RTEL1: variants seen among roughly 807,000 people sequenced by gnomAD.
RTEL1 encodes regulator of telomere elongation helicase 1, also known as regulator of telomere length.
A neutral mutation model predicts 162.2 loss-of-function variants in RTEL1; 86 were observed. The ratio of observed to expected loss-of-function variants is 0.53; its 90% CI spans 0.45 to 0.63. The LOEUF (loss-of-function observed/expected upper bound fraction) is 0.63, where lower values mean the gene tolerates loss of function less well. Among genes scored for constraint, RTEL1 ranks in the 30% least tolerant of loss-of-function variants. The pLI is 0.00. For missense variants in RTEL1, 1,941 were observed against 1,750.2 expected (o/e 1.11, Z -1.95); for synonymous variants, 958 against 717.9 (o/e 1.33, Z -5.35).
At position 63,696,024 on chromosome 20, in the gene RTEL1, C is replaced by T. The variant is rs2090971674; in HGVS notation, c.*166C>T. 2 of 673,802 alleles carry T rather than the reference C, an allele frequency of 3.0e-6. No individual in the cohort carries two copies. The highest frequency in any genetic ancestry group is 4.9e-6 in the Non-Finnish European group (2 of 404,086). 41.7% of individuals were successfully genotyped at this position (673,802 alleles called of 1,614,324 possible). ...CCCATGGTTGGTCCCTGCGGTGGGA[C>T]CGGATCTGGGCCTGCCTCTGAGAAG... On this transcript the variant is annotated 3_prime_UTR_variant, in exon 35 of 35. Coordinates refer to ENST00000360203, the MANE Select transcript of RTEL1 (RefSeq NM_001283009.2).
intron 10 of RTEL1, among the ~76,000 whole-genome samples, chr20:63,674,938 A>AGG (rs2090318945): frequency 6.9e-6 from 1 of 145,380 alleles, no homozygotes; most frequent in African/African-American, 2.6e-5. Context: ...ATGGAGTTTC[A>AGG]CTTTTGTTGC....
In RTEL1 at chr20:63,693,230, C is replaced by G. The variant is rs1340326956; in HGVS notation, c.2939C>G (p.Pro980Arg). 1.1e-5 allele frequency: 17 copies of G among 1,612,090 alleles called. No individual in the cohort carries two copies. Among genetic ancestry groups the G allele is most frequent in the Non-Finnish European group, 1.4e-5 (17 of 1,179,490 alleles). Reference protein sequence around the residue: ...QLTGRGCGYRPEHSIPRRQRA... With the variant: ...QLTGRGCGYRREHSIPRRQRA... ...ACAGGACGAGGCTGTGGCTATCGGC[C>G]TGAGCACAGCATTCCCCGAAGGCAG... is the stretch of plus-strand genomic sequence containing the variant. The change falls in exon 30 of 35, where the codon CCT becomes CGT. Residue 980 changes from proline (P) to arginine (R), a missense_variant. Transcript: ENST00000360203.
Position 63,688,843 on chromosome 20 carries a change from C to T in RTEL1, c.1801-212C>T, listed in dbSNP as rs1601166370. 4.6e-6 allele frequency: 3 copies of T among 646,922 alleles called. No individual in the cohort carries two copies. The African/African-American group carries it at 5.5e-5, about 12-fold the overall frequency. 40.1% of individuals were successfully genotyped at this position (646,922 alleles called of 1,614,324 possible). On this transcript the variant is annotated intron_variant, in intron 21 of 34. Transcript: ENST00000360203. ...TGTCTGAGTAGCCCTAGTCGGCCAC[C>T]CTGGCCCTGGGGTTCCCCGTGTTTT...
chr20:63,666,964 C>T (rs540947822), intron 7 of RTEL1, among the ~76,000 whole-genome samples: 10 of 151,976 alleles, frequency 6.6e-5, no homozygotes, highest in Admixed American at 2.0e-4. Context: ...CTCAGCCTCC[C>T]GAGTAGCTGG....
intron 12 of RTEL1, among the ~76,000 whole-genome samples, chr20:63,679,418 G>A (rs1276126135): frequency 6.6e-6 from 1 of 152,076 alleles, no homozygotes; most frequent in Admixed American, 6.6e-5. Context: ...TGGGGACTCT[G>A]CCCAGAGCCA....
rs1471435623 is a variant in RTEL1 at position 63,661,698 on chromosome 20, A to G, written c.302-152A>G. 3.1e-5 allele frequency: 27 copies of G among 861,608 alleles called. No homozygotes were observed. Among genetic ancestry groups the G allele is most frequent in the Non-Finnish European group, 4.8e-5 (26 of 544,792 alleles). The allele number at this position is 861,608 out of a possible 1,614,324, so 53.4% of individuals were successfully genotyped here. On this transcript the variant is annotated intron_variant, in intron 3 of 34. Transcript: ENST00000360203. The surrounding 1 kb of genome is among the most constrained non-coding windows in gnomAD (Gnocchi z 5.1). Reference sequence around the variant, plus strand: ...TTTTTGCTGAATTAGGGCACGGCAGATGCCCACTTCACCCATTTTTGATAA... The same window carrying G: ...TTTTTGCTGAATTAGGGCACGGCAGGTGCCCACTTCACCCATTTTTGATAA...
chr20:63,692,627 C>T (rs1399849870), intron 28 of RTEL1, 178 bp from the exon 29 acceptor site: 1 of 632,400 alleles, frequency 1.6e-6, no homozygotes, highest in East Asian at 2.8e-5. Flanking sequence ...CCCAGCCCCA[C>T]AGCTTTCTTC....
chr20:63,694,193 A>G (rs2090904926), intron 30 of RTEL1, 179 bp from the exon 31 acceptor site: 2 of 618,680 alleles, frequency 3.2e-6, no homozygotes, highest in Admixed American at 2.7e-5. Flanking sequence ...TCCAGCCCCC[A>G]TCCAGCAGGC....
At chr20:63,692,305 G>T (rs2090766743) in intron 28 of RTEL1, 2 of 224,896 alleles carry the variant, frequency 8.9e-6, no homozygotes, top group South Asian at 1.3e-4. Context: ...ATCAGGAAGT[G>T]GGTGGCTGCT....
chr20:63,667,046 A>G (rs188783936), intron 7 of RTEL1, among the ~76,000 whole-genome samples: 257 of 148,770 alleles, frequency 1.7e-3, no homozygotes, highest in East Asian at 0.015. Flanking sequence ...TCACCGTGTT[A>G]GCCAGGATGG....
At position 63,668,906 on chromosome 20, in the gene RTEL1, G is replaced by C. The variant is rs919329356; in HGVS notation, c.699+1353G>C. ...ACTCCTCTAAAGCTGCAGGAGTGGAGGTGGAGATGGCCCAGCTCAGGCACA... is the reference window on the plus strand; with the variant it reads ...ACTCCTCTAAAGCTGCAGGAGTGGACGTGGAGATGGCCCAGCTCAGGCACA... On this transcript the variant is annotated intron_variant, in intron 8 of 34. Transcript: ENST00000360203. The surrounding 1 kb of genome is among the most constrained non-coding windows in gnomAD (Gnocchi z 4.3). Among the ~76,000 whole-genome samples the C allele has an allele frequency of 1.3e-5, 2 of 152,226 alleles. No individual in the cohort carries two copies. The highest frequency in any genetic ancestry group is 4.8e-5 in the African/African-American group (2 of 41,458).
At chr20:63,671,043 G>A (rs2090231270) in intron 8 of RTEL1, among the ~76,000 whole-genome samples, 2 of 152,110 alleles carry the variant, frequency 1.3e-5, no homozygotes, top group Admixed American at 1.3e-4. Context: ...CCATTGAGGA[G>A]GACCTACTGT....
chr20:63,671,138 G>A (rs1474019752), intron 8 of RTEL1, among the ~76,000 whole-genome samples: 1 of 152,182 alleles, frequency 6.6e-6, no homozygotes, highest in Non-Finnish European at 1.5e-5. Context: ...TTGGCTCACT[G>A]CAGCTTCCGC....
intron 8 of RTEL1, among the ~76,000 whole-genome samples, chr20:63,672,249 G>T (rs1404951036): frequency 6.6e-6 from 1 of 152,166 alleles, no homozygotes; most frequent in African/African-American, 2.4e-5. Flanking sequence ...GGGTCTTCCT[G>T]GCTCCTCTGG....
At position 63,692,987 on chromosome 20, in the gene RTEL1, G is replaced by A. The variant is rs750680332; in HGVS notation, c.2835G>A (p.Lys945=). 2.2e-5 allele frequency: 36 copies of A among 1,612,560 alleles called. No individual in the cohort carries two copies. Among genetic ancestry groups the A allele is most frequent in the Non-Finnish European group, 2.8e-5 (33 of 1,179,802 alleles). Residue 945 remains lysine (K), a synonymous_variant, in exon 29 of 35, where the codon AAG becomes AAA. Coordinates refer to ENST00000360203, the MANE Select transcript of RTEL1 (RefSeq NM_001283009.2). Reference sequence around the variant, plus strand: ...CCCTCTTTGCTGAGGACCCCAAGAAGCACAACCTGCTCCAAGGTGCCCTGG... The same window carrying A: ...CCCTCTTTGCTGAGGACCCCAAGAAACACAACCTGCTCCAAGGTGCCCTGG... ...LGPLFAEDPK[K]HNLLQGFYQF...
At chr20:63,685,084 C>T (rs1257418308) in intron 14 of RTEL1, among the ~76,000 whole-genome samples, 3 of 137,664 alleles carry the variant, frequency 2.2e-5, no homozygotes, top group African/African-American at 8.3e-5. Context: ...CCTGGGGTTG[C>T]ACCATGTTGC....
chr20:63,678,579 AC>A (rs1477407486), intron 12 of RTEL1, among the ~76,000 whole-genome samples: 3 of 78,744 alleles, frequency 3.8e-5, no homozygotes, highest in Non-Finnish European at 7.9e-5. Flanking sequence ...CGGCACACAC[AC>A]CCATGGAACA....
chr20:63,693,328 G>T (rs1431608560), intron 30 of RTEL1, 45 bp downstream of exon 30: 10 of 1,606,528 alleles, frequency 6.2e-6, no homozygotes, highest in Non-Finnish European at 7.6e-6. Flanking sequence ...TGCGTGGAAG[G>T]CAGTGTGGGC....
intron 10 of RTEL1, among the ~76,000 whole-genome samples, chr20:63,676,848 T>C (rs1475919414): frequency 3.9e-5 from 6 of 152,076 alleles, no homozygotes; most frequent in Admixed American, 1.3e-4. Context: ...GGCAGGAGAA[T>C]CACTTGAACC....
Sources: allele counts gnomAD v4.1 joint callset (sites outside exome capture counted in the v4.1 genomes callset), GRCh38; gene constraint gnomAD v4.1.1; non-coding constraint Gnocchi (gnomAD v3.1); transcripts MANE v1.5; gene names NCBI Gene and HGNC (gene_info 2026-07-23, HGNC 2026-07-21).